Variants in CSDE1 observed in about 807,000 individuals in gnomAD.
The protein encoded by CSDE1 is cold shock domain containing E1.
A neutral mutation model predicts 89.3 loss-of-function variants in CSDE1; 17 were observed. The observed-to-expected ratio is 0.19, with a 90% CI of 0.13 to 0.29. CSDE1 has a LOEUF of 0.29. Ranked by LOEUF, CSDE1 falls within the 10% of genes least tolerant of loss-of-function variation. The probability of loss-of-function intolerance (pLI) is 1.00; values close to 1 mark genes in which losing one functional copy is unlikely to be tolerated. For missense variants in CSDE1, 672 were observed against 984.2 expected, an observed-to-expected ratio of 0.68 and a Z score of 4.24; for synonymous variants, 322 against 332.8, an observed-to-expected ratio of 0.97 and a Z score of 0.35.
intron 2 of CSDE1, chr1:114,741,678 TATAAC>T (rs766111302): frequency 3.0e-5 from 46 of 1,538,202 alleles, no homozygotes; most frequent in East Asian, 7.4e-5. Context: ...AAACAGCTGT[TATAAC>T]ATAGCATAAT....
rs1276393927 is a variant in CSDE1 at position 114,734,148 on chromosome 1, T to C, written c.583-31A>G. On this transcript the variant is annotated intron_variant, in intron 7 of 19. Transcript: ENST00000358528. The stretch of plus-strand genomic sequence containing the variant: ...GCAAAATAAAAAACCAAGAACATTA[T>C]TACCACTCTGTACAAATTTATGATT... 5.0e-6 allele frequency: 8 copies of C among 1,595,422 alleles called. No homozygotes were observed. The African/African-American group carries it at 5.4e-5, about 11-fold the overall frequency.
intron 13 of CSDE1, 65 bp downstream of exon 13, chr1:114,726,917 TC>T: frequency 9.6e-7 from 1 of 1,044,972 alleles, no homozygotes; most frequent in Admixed American, 2.0e-5. Context: ...GAAGAACCCA[TC>T]CTGCAGGATT....
At chr1:114,745,964 G>A (rs999072281) in intron 2 of CSDE1, among the ~76,000 whole-genome samples, 2 of 152,206 alleles carry the variant, frequency 1.3e-5, no homozygotes, top group Non-Finnish European at 2.9e-5. Flanking sequence ...TTCCTTTGGG[G>A]AGAGGGGGTG....
chr1:114,755,714 C>G (rs1053252089), intron 1 of CSDE1, among the ~76,000 whole-genome samples: 1 of 152,194 alleles, frequency 6.6e-6, no homozygotes, highest in African/African-American at 2.4e-5. Context: ...CTTCTGTTTT[C>G]TGCAAGGACA....
At chr1:114,723,660 C>CA (rs1659647203) in intron 16 of CSDE1, among the ~76,000 whole-genome samples, 1 of 152,160 alleles carries the variant, frequency 6.6e-6, no homozygotes, top group Non-Finnish European at 1.5e-5. Flanking sequence ...GCTCATGTAT[C>CA]AGTCATGTGC....
chr1:114,754,392 C>T (rs1287828453), intron 1 of CSDE1, among the ~76,000 whole-genome samples: 1 of 152,220 alleles, frequency 6.6e-6, no homozygotes, highest in African/African-American at 2.4e-5. Flanking sequence ...TAAACTAACA[C>T]ATTTATGTGG....
At chr1:114,724,364 C>A (rs1659687857) in intron 15 of CSDE1, 1 of 204,758 alleles carries the variant, frequency 4.9e-6, no homozygotes, top group South Asian at 7.6e-5. Context: ...TACTTACATA[C>A]TGTCCTGATT....
At position 114,718,100 on chromosome 1, in the gene CSDE1, T is replaced by A; in HGVS notation, c.*69A>T. The A allele has an allele frequency of 1.3e-6, 2 of 1,545,746 alleles. No homozygotes were observed. Among genetic ancestry groups the A allele is most frequent in the Non-Finnish European group, 8.9e-7 (1 of 1,118,672 alleles). On this transcript the variant is annotated 3_prime_UTR_variant, in exon 20 of 20. Coordinates refer to ENST00000358528, the MANE Select transcript of CSDE1 (RefSeq NM_001007553.3). ...TTCGGGAGGGATGAAGAGGGAGATA[T>A]TCAGAACCCTTCACCAGATTCCCCC...
intron 2 of CSDE1, among the ~76,000 whole-genome samples, chr1:114,749,352 C>T (rs1316907384): frequency 6.6e-6 from 1 of 152,176 alleles, no homozygotes; most frequent in Non-Finnish European, 1.5e-5. Context: ...GGCATGTCAA[C>T]CATTTACAAA....
At chr1:114,731,537 G>A (rs897915007) in intron 10 of CSDE1, among the ~76,000 whole-genome samples, 2 of 151,984 alleles carry the variant, frequency 1.3e-5, no homozygotes, top group Non-Finnish European at 2.9e-5. Context: ...AGTTCCACTG[G>A]CAACACTGAG....
chr1:114,739,058 G>T (rs1327705528), intron 3 of CSDE1, among the ~76,000 whole-genome samples: 1 of 151,348 alleles, frequency 6.6e-6, no homozygotes, highest in African/African-American at 2.4e-5. Context: ...TTGAGACGGG[G>T]TCTCGCTCTG....
rs533555087 is a variant in CSDE1, at chr1:114,736,631, G to A, written c.500+127C>T. 13 of 605,512 alleles carry A rather than the reference G, an allele frequency of 2.1e-5. No homozygotes were observed. In the South Asian group the frequency reaches 2.8e-4, roughly 13 times the overall value. 37.5% of individuals were successfully genotyped at this position (605,512 alleles called of 1,614,324 possible). A position where few individuals can be genotyped will look rare whatever the true frequency, so the allele number is the denominator to read the frequency against. On this transcript the variant is annotated intron_variant, in intron 6 of 19. Coordinates refer to ENST00000358528, the MANE Select transcript of CSDE1 (RefSeq NM_001007553.3). ...ATTCATAGACCTCAAAGCATTAGTT[G>A]ATGAATTGAAAGTTCATGAAAACTA...
chr1:114,729,161 C>G (rs1244756567), intron 12 of CSDE1, among the ~76,000 whole-genome samples: 1 of 152,064 alleles, frequency 6.6e-6, no homozygotes, highest in South Asian at 2.1e-4. Flanking sequence ...TGCAATGGCG[C>G]CATCTCAGCT....
intron 1 of CSDE1, among the ~76,000 whole-genome samples, chr1:114,757,674 C>T (rs981197985): frequency 6.6e-6 from 1 of 152,136 alleles, no homozygotes; most frequent in Non-Finnish European, 1.5e-5. Context: ...GTCACCACCA[C>T]CACTACCACC....
At chr1:114,749,172 C>T (rs1354127909) in intron 2 of CSDE1, among the ~76,000 whole-genome samples, 1 of 152,140 alleles carries the variant, frequency 6.6e-6, no homozygotes, top group African/African-American at 2.4e-5. Context: ...GCTTTCTTTA[C>T]CCTCCTCCTT....
chr1:114,753,305 C>T (rs1033478820), intron 1 of CSDE1, among the ~76,000 whole-genome samples: 3 of 152,174 alleles, frequency 2.0e-5, no homozygotes, highest in Non-Finnish European at 4.4e-5. Flanking sequence ...CTCTGGAGTA[C>T]TGCAGGGCCA....
intron 6 of CSDE1, among the ~76,000 whole-genome samples, chr1:114,735,494 T>C (rs1315184807): frequency 6.6e-6 from 1 of 152,222 alleles, no homozygotes; most frequent in East Asian, 1.9e-4. Flanking sequence ...TGAGAACTTA[T>C]ACGTCATTTT....
chr1:114,726,688 GCTTTTA>G (rs1659818077), intron 13 of CSDE1, among the ~76,000 whole-genome samples: 1 of 152,130 alleles, frequency 6.6e-6, no homozygotes, highest in African/African-American at 2.4e-5. Flanking sequence ...TCTTTGGTGT[GCTTTTA>G]CTTTGATAAT....
At chr1:114,738,149 A>G (rs149749524) in intron 3 of CSDE1, 77 bp from the exon 4 acceptor site, 13 of 1,117,728 alleles carry the variant, frequency 1.2e-5, no homozygotes, top group Middle Eastern at 3.9e-4. Context: ...TATACTTAAC[A>G]TAGCATTTGA....
Sources: allele counts gnomAD v4.1 joint callset (sites outside exome capture counted in the v4.1 genomes callset), GRCh38; gene constraint gnomAD v4.1.1; transcripts MANE v1.5; gene names NCBI Gene and HGNC (gene_info 2026-07-23, HGNC 2026-07-21).